ZNF804B: variants seen among roughly 807,000 people sequenced by gnomAD.
ZNF804B encodes the protein zinc finger protein 804B, also known as zinc finger 804B.
ZNF804B carries 80 observed loss-of-function variants against 101.4 expected under a neutral mutation model. The ratio of observed to expected loss-of-function variants is 0.79; its 90% CI spans 0.66 to 0.95. ZNF804B has a LOEUF of 0.95. Among genes scored for constraint, ZNF804B ranks in the 40% least tolerant of loss-of-function variants. ZNF804B has a pLI of 0.00. For synonymous variants in ZNF804B, 622 were observed against 558.8 expected (o/e 1.11, Z -1.59); for missense variants, 1,673 against 1,561.9 (o/e 1.07, Z -1.20).
intron 1 of ZNF804B, among the ~76,000 whole-genome samples, chr7:88,864,881 A>C (rs1791701920): frequency 6.6e-6 from 1 of 152,168 alleles, no homozygotes; most frequent in African/African-American, 2.4e-5. Flanking sequence ...AGAAGTGACT[A>C]ATAAAATCTG....
chr7:89,155,062 C>T (rs766526183), intron 1 of ZNF804B, among the ~76,000 whole-genome samples: 79 of 152,174 alleles, frequency 5.2e-4, no homozygotes, highest in Non-Finnish European at 8.5e-4. Flanking sequence ...AAAAAATATT[C>T]TATTTAAAAA....
At chr7:88,819,839 C>T (rs769247429) in intron 1 of ZNF804B, among the ~76,000 whole-genome samples, 5 of 152,010 alleles carry the variant, frequency 3.3e-5, no homozygotes, top group South Asian at 4.1e-4. Flanking sequence ...TGCTTGAAAT[C>T]CTGGCATTTA....
chr7:88,821,499 A>G (rs937809363), intron 1 of ZNF804B, among the ~76,000 whole-genome samples: 9 of 152,190 alleles, frequency 5.9e-5, no homozygotes, highest in Non-Finnish European at 1.2e-4. Context: ...ATGCAGTACC[A>G]TGGAAAGGAG....
intron 1 of ZNF804B, among the ~76,000 whole-genome samples, chr7:88,818,932 A>G (rs1265022428): frequency 2.6e-5 from 4 of 152,172 alleles, no homozygotes; most frequent in Non-Finnish European, 5.9e-5. Context: ...CTTTCTTTAG[A>G]AGTATGTCAG....
intron 1 of ZNF804B, among the ~76,000 whole-genome samples, chr7:88,920,763 TATTA>T (rs766812778): frequency 3.5e-4 from 54 of 152,214 alleles, no homozygotes; most frequent in African/African-American, 1.2e-3. Flanking sequence ...TAGATACAGA[TATTA>T]ATTAATTCAT....
chr7:89,132,371 T>C (rs1160889188), intron 1 of ZNF804B, among the ~76,000 whole-genome samples: 2 of 151,894 alleles, frequency 1.3e-5, no homozygotes, highest in Non-Finnish European at 2.9e-5. Flanking sequence ...AGTGAGTAAG[T>C]TATAGAAAAC....
chr7:89,015,640 T>G (rs1287814141), intron 1 of ZNF804B, among the ~76,000 whole-genome samples: 1 of 152,126 alleles, frequency 6.6e-6, no homozygotes, highest in Non-Finnish European at 1.5e-5. Flanking sequence ...TCCAATTTCA[T>G]CCATGTCCCT....
rs141766127 is a variant in ZNF804B at position 89,256,889 on chromosome 7, G to T, written c.249+38594G>T. Among the ~76,000 whole-genome samples, 7 of 152,184 alleles carry T rather than the reference G, an allele frequency of 4.6e-5. No homozygotes were observed. The East Asian group carries it at 1.3e-3, about 29-fold the overall frequency. On this transcript the variant is annotated intron_variant, in intron 2 of 3. Transcript: ENST00000333190. ...GGTGACATTCACTTTCATAACATCT[G>T]GTGGCGATTATTCAGGTGTGTTTAC...
intron 1 of ZNF804B, among the ~76,000 whole-genome samples, chr7:89,055,628 G>C (rs1400174641): frequency 1.2e-4 from 18 of 152,028 alleles, no homozygotes; most frequent in Admixed American, 1.2e-3. Context: ...GGGAAAGACT[G>C]CCCACCCGCT....
intron 1 of ZNF804B, among the ~76,000 whole-genome samples, chr7:89,099,380 A>G (rs983673502): frequency 1.3e-5 from 2 of 152,298 alleles, no homozygotes; most frequent in African/African-American, 4.8e-5. Context: ...AAATGTTACA[A>G]TAGAAGTCCA....
At position 89,200,499 on chromosome 7, in the gene ZNF804B, G is replaced by C. The variant is rs541964216; in HGVS notation, c.109-17656G>C. ...TCATGACGACAAACTTCTTACCAAGGAGCACTGATGATTTTGATCAGACCC... is the reference window on the plus strand; with the variant it reads ...TCATGACGACAAACTTCTTACCAAGCAGCACTGATGATTTTGATCAGACCC... On this transcript the variant is annotated intron_variant, in intron 1 of 3. Transcript: ENST00000333190. 9.6e-4 allele frequency among the ~76,000 whole-genome samples: 146 copies of C among 152,050 alleles called. 1 individual carries two copies. The highest frequency in any genetic ancestry group is 6.8e-3 in the Middle Eastern group (2 of 294).
At chr7:88,969,006 T>A (rs779666857) in intron 1 of ZNF804B, among the ~76,000 whole-genome samples, 30 of 151,556 alleles carry the variant, frequency 2.0e-4, no homozygotes, top group Non-Finnish European at 2.8e-4. Context: ...TTACTTTCTC[T>A]CTGTCAACTG....
chr7:88,769,371 C>T (rs531986586), intron 1 of ZNF804B, among the ~76,000 whole-genome samples: 1 of 152,220 alleles, frequency 6.6e-6, no homozygotes, highest in South Asian at 2.1e-4. Context: ...TTAAGATCTA[C>T]CAAGATCATT....
At chr7:89,193,775 G>T (rs918583938) in intron 1 of ZNF804B, among the ~76,000 whole-genome samples, 2 of 151,818 alleles carry the variant, frequency 1.3e-5, no homozygotes, top group Admixed American at 6.6e-5. Flanking sequence ...ATAAACATAC[G>T]TGTGCATGTG....
rs554482817 is a variant in ZNF804B at position 89,261,240 on chromosome 7, G to A, written c.249+42945G>A. 2.6e-5 allele frequency among the ~76,000 whole-genome samples: 4 copies of A among 152,220 alleles called. No individual in the cohort carries two copies. The South Asian group carries it at 6.2e-4, about 24-fold the overall frequency. On this transcript the variant is annotated intron_variant, in intron 2 of 3. Coordinates refer to ENST00000333190, the MANE Select transcript of ZNF804B (RefSeq NM_181646.5). ...AGAGCCATGAATAATCCATTTGTAT[G>A]TATAAGTTTTGATAAATTTTAACTT...
At chr7:89,085,015 C>A (rs573097464) in intron 1 of ZNF804B, among the ~76,000 whole-genome samples, 21 of 151,900 alleles carry the variant, frequency 1.4e-4, no homozygotes, top group African/African-American at 5.1e-4. Flanking sequence ...CCCTGTAGCT[C>A]TTTTTATTTC....
intron 1 of ZNF804B, among the ~76,000 whole-genome samples, chr7:89,020,531 G>A (rs760385901): frequency 1.3e-4 from 20 of 152,084 alleles, no homozygotes; most frequent in Non-Finnish European, 1.6e-4. Flanking sequence ...ACTATAATCT[G>A]TCTCAGAGAG....
intron 1 of ZNF804B, among the ~76,000 whole-genome samples, chr7:88,901,313 A>C (rs969901586): frequency 6.6e-5 from 10 of 152,012 alleles, no homozygotes; most frequent in African/African-American, 2.4e-4. Flanking sequence ...ATTATTTTCC[A>C]TTCCATATAT....
chr7:89,138,680 ATGT>A (rs754060242), intron 1 of ZNF804B, among the ~76,000 whole-genome samples: 1 of 152,188 alleles, frequency 6.6e-6, no homozygotes, highest in East Asian at 1.9e-4. Context: ...CAGTTCCCAC[ATGT>A]TGTGGGAGGT....
Sources: allele counts gnomAD v4.1 joint callset (sites outside exome capture counted in the v4.1 genomes callset), GRCh38; gene constraint gnomAD v4.1.1; transcripts MANE v1.5; gene names NCBI Gene and HGNC (gene_info 2026-07-23, HGNC 2026-07-21).